The following FMO3 variants were observed in gnomAD, a reference collection of about 807,000 sequenced individuals.
FMO3 encodes flavin-containing monooxygenase 3.
A neutral mutation model predicts 39.4 loss-of-function variants in FMO3; 40 were observed. The ratio of observed to expected loss-of-function variants is 1.02; its 90% CI spans 0.79 to 1.32. The LOEUF is 1.32. Ranked by LOEUF, FMO3 falls within the 40% of genes most tolerant of loss-of-function variation. FMO3 has a pLI of 0.00. For synonymous variants in FMO3, 219 were observed against 228.8 expected (o/e 0.96, Z 0.39); for missense variants, 680 against 651.8 (o/e 1.04, Z -0.47).
rs1184781786 is a variant in FMO3, at chr1:171,117,463, T to C, written c.*21T>C. 1 of 1,600,042 alleles carries C rather than the reference T, an allele frequency of 6.2e-7. No homozygotes were observed. The stretch of plus-strand genomic sequence containing the variant: ...CCTAATCATCATTTTCTCTAGGATT[T>C]CTGAAAGTTACTGACAATACCCAGA... On this transcript the variant is annotated 3_prime_UTR_variant, in exon 9 of 9. Coordinates refer to ENST00000367755, the MANE Select transcript of FMO3 (RefSeq NM_001002294.3).
chr1:171,104,769 G>T (rs1006795282), intron 3 of FMO3, among the ~76,000 whole-genome samples: 1 of 152,128 alleles, frequency 6.6e-6, no homozygotes, highest in Non-Finnish European at 1.5e-5. Flanking sequence ...AGCTACTAGG[G>T]AGGTTGAGGT....
In FMO3 at chr1:171,107,647, G is replaced by A. The variant is rs985370164; in HGVS notation, c.322-28G>A. 4 of 1,603,244 alleles carry A rather than the reference G, an allele frequency of 2.5e-6. No homozygotes were observed. In the African/African-American group the frequency reaches 5.4e-5, roughly 21 times the overall value. On this transcript the variant is annotated intron_variant, in intron 3 of 8. Transcript: ENST00000367755. Reference sequence around the variant, plus strand: ...CAAAACCATTTGCTAGCATAGAAAAGAGGGATTTCTTTCTGTATTTCTCTT... The same window carrying A: ...CAAAACCATTTGCTAGCATAGAAAAAAGGGATTTCTTTCTGTATTTCTCTT...
intron 3 of FMO3, 129 bp downstream of exon 3, chr1:171,104,102 T>C (rs1216245282): frequency 1.3e-6 from 1 of 747,638 alleles, no homozygotes; most frequent in Non-Finnish European, 2.3e-6. Context: ...GTGGCCTCTC[T>C]AACTCTAGGT....
chr1:171,114,919 G>A (rs965428943), intron 7 of FMO3, among the ~76,000 whole-genome samples: 2 of 152,186 alleles, frequency 1.3e-5, no homozygotes, highest in Non-Finnish European at 2.9e-5. Context: ...GGCAGAAAGT[G>A]CTCAGTGTAG....
At chr1:171,096,012 CATATTATATATTAATATATAATAT>C (rs1557932869) in intron 2 of FMO3, among the ~76,000 whole-genome samples, 4 of 28,768 alleles carry the variant, frequency 1.4e-4, no homozygotes, top group Non-Finnish European at 2.5e-4. Flanking sequence ...TATTAATATA[CATATTATATATTAATATATAATAT>C]ATATTATATA....
In FMO3 at chr1:171,116,313, T is replaced by A. The variant is rs745987006; in HGVS notation, c.1256+33T>A. 12 of 1,165,328 alleles carry A rather than the reference T, an allele frequency of 1.0e-5. No individual in the cohort carries two copies. The South Asian group carries it at 1.4e-4, about 14-fold the overall frequency. 72.2% of individuals were successfully genotyped at this position (1,165,328 alleles called of 1,614,324 possible). On this transcript the variant is annotated intron_variant, in intron 8 of 8. Coordinates refer to ENST00000367755, the MANE Select transcript of FMO3 (RefSeq NM_001002294.3). ...TACCTATTGTAATAGGAGTGTAGGATTTCCATAGAAAAGTGAGAATTTATG... is the reference window on the plus strand; with the variant it reads ...TACCTATTGTAATAGGAGTGTAGGAATTCCATAGAAAAGTGAGAATTTATG...
chr1:171,113,931 T>C (rs1018650961), intron 6 of FMO3, 76 bp from the exon 7 acceptor site: 2 of 1,077,402 alleles, frequency 1.9e-6, no homozygotes, highest in Non-Finnish European at 1.3e-6. Context: ...TTTCCTTCCT[T>C]ATCAATTTAT....
At chr1:171,115,696 C>T (rs930113050) in intron 7 of FMO3, among the ~76,000 whole-genome samples, 2 of 152,166 alleles carry the variant, frequency 1.3e-5, no homozygotes, top group Non-Finnish European at 2.9e-5. Flanking sequence ...AGCCCCAAGT[C>T]AGATCTAGTC....
chr1:171,094,576 C>T (rs1221905403), intron 2 of FMO3, among the ~76,000 whole-genome samples: 1 of 151,982 alleles, frequency 6.6e-6, no homozygotes, highest in Non-Finnish European at 1.5e-5. Context: ...AGTTTCAGAT[C>T]TTACATTTAA....
At position 171,103,895 on chromosome 1, in the gene FMO3, T is replaced by C. The variant is rs1466864697; in HGVS notation, c.243T>C (p.Phe81=). The C allele has an allele frequency of 5.0e-6, 8 of 1,613,948 alleles. No homozygotes were observed. The highest frequency in any genetic ancestry group is 5.9e-6 in the Non-Finnish European group (7 of 1,179,886). The part of the protein sequence containing the change: ...DFPFPDDFPN[F]MHNSKIQEYI... ...CATTTCCCGATGACTTCCCCAACTT[T>C]ATGCACAACAGCAAGATCCAGGAAT... Residue 81 remains phenylalanine (F), a synonymous_variant, in exon 3 of 9, where the codon TTT becomes TTC. Coordinates refer to ENST00000367755, the MANE Select transcript of FMO3 (RefSeq NM_001002294.3).
chr1:171,098,253 A>C (rs1655196531), intron 2 of FMO3, among the ~76,000 whole-genome samples: 1 of 152,208 alleles, frequency 6.6e-6, no homozygotes, highest in African/African-American at 2.4e-5. Context: ...CTTTTGGCTT[A>C]GGATTGACTT....
At chr1:171,110,390 G>A (rs1026180304) in intron 5 of FMO3, among the ~76,000 whole-genome samples, 2 of 152,192 alleles carry the variant, frequency 1.3e-5, no homozygotes. Context: ...CTGCAGCACT[G>A]TGACAGGGTG....
chr1:171,098,514 T>C (rs540266706), intron 2 of FMO3, among the ~76,000 whole-genome samples: 21 of 152,324 alleles, frequency 1.4e-4, no homozygotes, highest in African/African-American at 4.8e-4. Context: ...ACATCCCTTG[T>C]AAGTTGGATT....
At chr1:171,115,685 C>T (rs1656116015) in intron 7 of FMO3, among the ~76,000 whole-genome samples, 1 of 152,178 alleles carries the variant, frequency 6.6e-6, no homozygotes, top group African/African-American at 2.4e-5. Context: ...GATCCTGGGG[C>T]AGCCCCAAGT....
At chr1:171,116,545 C>T (rs1182506169) in intron 8 of FMO3, among the ~76,000 whole-genome samples, 1 of 152,118 alleles carries the variant, frequency 6.6e-6, no homozygotes, top group Non-Finnish European at 1.5e-5. Context: ...CTCCATGCCT[C>T]CTGTAATATA....
chr1:171,110,783 T>C lies in FMO3; in HGVS notation c.628-15T>C, dbSNP rs750329107. The C allele has an allele frequency of 1.2e-6, 2 of 1,612,522 alleles. No individual in the cohort carries two copies. Among genetic ancestry groups the C allele is most frequent in the Non-Finnish European group, 1.7e-6 (2 of 1,178,600 alleles). On this transcript the variant is annotated splice_polypyrimidine_tract_variant and intron_variant, in intron 5 of 8. Transcript: ENST00000367755. ...AATGGTCACTAATTTCATGGTTGAA[T>C]TGGTGTTTTTTAAGGTCATGATCAG...
intron 7 of FMO3, among the ~76,000 whole-genome samples, chr1:171,115,366 C>T (rs1450970293): frequency 6.6e-6 from 1 of 152,034 alleles, no homozygotes; most frequent in African/African-American, 2.4e-5. Flanking sequence ...TGGCAGTAGT[C>T]GGCAGGCTAA....
chr1:171,107,197 C>T (rs6608463), intron 3 of FMO3, among the ~76,000 whole-genome samples: 3,988 of 152,206 alleles, frequency 0.026, 177 homozygotes, highest in African/African-American at 0.092. Context: ...GTGACATCAG[C>T]GTCACCTAGG....
chr1:171,106,548 T>C (rs1655647265), intron 3 of FMO3, among the ~76,000 whole-genome samples: 1 of 152,168 alleles, frequency 6.6e-6, no homozygotes, highest in South Asian at 2.1e-4. Flanking sequence ...CAGAACAAGA[T>C]AAGAATTCCT....
Sources: gnomAD v4.1 joint callset for allele counts (sites outside exome capture counted in the v4.1 genomes callset) on GRCh38, gnomAD v4.1.1 for gene constraint, MANE v1.5 for transcripts, NCBI Gene and HGNC (gene_info 2026-07-23, HGNC 2026-07-21) for gene names.